The following SESN1 variants were observed in gnomAD, a reference collection of about 807,000 sequenced individuals.
SESN1 encodes sestrin 1, also known as sestrin-1.
SESN1 carries 30 observed loss-of-function variants against 59.3 expected under a neutral mutation model. The observed-to-expected ratio is 0.51, with a 90% CI of 0.38 to 0.69. The LOEUF (loss-of-function observed/expected upper bound fraction) is 0.69. Among genes scored for constraint, SESN1 ranks in the 30% least tolerant of loss-of-function variants. The pLI is 0.00. For synonymous variants in SESN1, 197 were observed against 219.9 expected (o/e 0.90, Z 0.92); for missense variants, 566 against 673.0 (o/e 0.84, Z 1.76).
chr6:109,009,521 C>T, intron 1 of SESN1: 3 of 1,188,352 alleles, frequency 2.5e-6, no homozygotes, highest in Non-Finnish European at 3.1e-6. Flanking sequence ...CCGGCCGCGG[C>T]TCCTGGCTGC....
chr6:109,008,875 G>A (rs1399288754), intron 1 of SESN1: 2 of 985,922 alleles, frequency 2.0e-6, no homozygotes, highest in South Asian at 4.7e-5. Context: ...TGAGTCAAAT[G>A]TGTTTTTTTT....
Position 108,986,493 on chromosome 6 carries a change from C to T in SESN1, c.*1051G>A, listed in dbSNP as rs1779196872. The stretch of plus-strand genomic sequence containing the variant: ...AAATACCAGTAATACTGACAGACTT[C>T]AAAAGCAATTCACGCTTCCAGAATA... On this transcript the variant is annotated 3_prime_UTR_variant, in exon 10 of 10. Transcript: ENST00000436639. 6.6e-6 allele frequency: 1 copy of T among 152,610 alleles called. No individual in the cohort carries two copies. Among genetic ancestry groups the T allele is most frequent in the Admixed American group, 6.5e-5 (1 of 15,270 alleles). The allele number at this position is 152,610 out of a possible 1,614,324, so 9.5% of individuals were successfully genotyped here.
At chr6:108,992,346 G>A (rs921470052) in intron 7 of SESN1, among the ~76,000 whole-genome samples, 2 of 151,914 alleles carry the variant, frequency 1.3e-5, no homozygotes, top group African/African-American at 4.8e-5. Context: ...GGAATGCCTC[G>A]GCTCAGGCAA....
At chr6:109,091,860 T>G (rs1222453209) in intron 1 of SESN1, among the ~76,000 whole-genome samples, 1 of 152,180 alleles carries the variant, frequency 6.6e-6, no homozygotes, top group Non-Finnish European at 1.5e-5. Context: ...AACTGAAAAC[T>G]TCATCTATTC....
At chr6:109,027,297 A>AC (rs1162256845) in intron 1 of SESN1, among the ~76,000 whole-genome samples, 12 of 151,746 alleles carry the variant, frequency 7.9e-5, no homozygotes, top group Non-Finnish European at 1.6e-4. Context: ...ACATGGTGAA[A>AC]CCCCGTCTCT....
At chr6:109,073,445 T>TC (rs1022036226) in intron 1 of SESN1, among the ~76,000 whole-genome samples, 2 of 152,148 alleles carry the variant, frequency 1.3e-5, no homozygotes, top group African/African-American at 2.4e-5. Context: ...TGGTCTCTTT[T>TC]CCCCAACCCC....
At chr6:109,039,275 T>G (rs1037491534) in intron 1 of SESN1, among the ~76,000 whole-genome samples, 3 of 152,188 alleles carry the variant, frequency 2.0e-5, no homozygotes, top group African/African-American at 7.2e-5. Context: ...CTTCACAAAT[T>G]TGTATGGAAT....
intron 9 of SESN1, 49 bp downstream of exon 9, chr6:108,988,494 A>G: frequency 6.5e-7 from 1 of 1,527,076 alleles, no homozygotes; most frequent in South Asian, 1.3e-5. Context: ...GAAGGAGACT[A>G]CGAATCATTG....
At chr6:109,001,228 G>T in intron 3 of SESN1, 60 bp downstream of exon 3, 1 of 1,381,988 alleles carries the variant, frequency 7.2e-7, no homozygotes, top group Non-Finnish European at 1.0e-6. Flanking sequence ...AGCATTAACT[G>T]TCTCTTAAAG....
chr6:109,092,386 A>C (rs1393671187), intron 1 of SESN1, among the ~76,000 whole-genome samples: 1 of 152,216 alleles, frequency 6.6e-6, no homozygotes, highest in Non-Finnish European at 1.5e-5. Context: ...TTATCATTAT[A>C]TTGAAATCCT....
chr6:109,052,756 C>T (rs1353160101), intron 1 of SESN1, among the ~76,000 whole-genome samples: 2 of 152,140 alleles, frequency 1.3e-5, no homozygotes, highest in Non-Finnish European at 2.9e-5. Flanking sequence ...CTACAGGAAA[C>T]ATTTCAACCA....
At chr6:109,042,810 T>C (rs1011916651) in intron 1 of SESN1, among the ~76,000 whole-genome samples, 21 of 152,176 alleles carry the variant, frequency 1.4e-4, no homozygotes, top group South Asian at 6.2e-4. Context: ...TTTTACATAA[T>C]ATTTTCCAGA....
At chr6:109,011,619 T>A (rs552484134) in intron 1 of SESN1, among the ~76,000 whole-genome samples, 6 of 151,224 alleles carry the variant, frequency 4.0e-5, no homozygotes, top group East Asian at 1.9e-4. Flanking sequence ...AATGTATTTT[T>A]AAAATTTTTT....
intron 1 of SESN1, among the ~76,000 whole-genome samples, chr6:109,021,186 G>A (rs1780005746): frequency 6.6e-6 from 1 of 151,998 alleles, no homozygotes; most frequent in African/African-American, 2.4e-5. Flanking sequence ...TACAGATGGG[G>A]TCTTGTTATG....
At chr6:109,066,929 A>G (rs916591444) in intron 1 of SESN1, among the ~76,000 whole-genome samples, 9 of 152,178 alleles carry the variant, frequency 5.9e-5, no homozygotes, top group African/African-American at 2.2e-4. Context: ...TCAGATCTGG[A>G]GGAAAAAGGC....
In SESN1 at chr6:108,989,594, TAGAG is replaced by T. The variant is rs759251549; in HGVS notation, c.1425-911_1425-908del. On this transcript the variant is annotated intron_variant, in intron 8 of 9. Coordinates refer to ENST00000436639, the MANE Select transcript of SESN1 (RefSeq NM_014454.3). ...AGAGATATCTATATATAGAGAGAGA[TAGAG>T]AGAGATAGATATCTCTCTATATAGA... Among the ~76,000 whole-genome samples the T allele has an allele frequency of 9.8e-4, 141 of 143,242 alleles. 1 individual carries two copies. Among genetic ancestry groups the T allele is most frequent in the Middle Eastern group, 3.8e-3 (1 of 262 alleles). The allele number at this position is 143,242 out of a possible 152,430, so 94.0% of individuals were successfully genotyped here.
At position 108,998,555 on chromosome 6, in the gene SESN1, G is replaced by T. The variant is rs1255881041; in HGVS notation, c.930C>A (p.His310Gln). The T allele has an allele frequency of 6.2e-7, 1 of 1,613,906 alleles. No individual in the cohort carries two copies. The highest frequency in any genetic ancestry group is 1.1e-5 in the South Asian group (1 of 91,082). Residue 310 changes from histidine to glutamine, a missense_variant, in exon 5 of 10, where the codon CAC becomes CAA. His to Gln is a conservative substitution (Grantham distance 24). Transcript: ENST00000436639. ...AGTTGACCGGCATCTCATCCACACT[G>T]TGATTGCCATTTGTAATGTCACAGA... ...YCICDITNGNHSVDEMPVNSA... is the reference protein window; with the variant it reads ...YCICDITNGNQSVDEMPVNSA...
chr6:109,088,789 C>T (rs1162590105), intron 1 of SESN1, among the ~76,000 whole-genome samples: 1 of 152,076 alleles, frequency 6.6e-6, no homozygotes, highest in African/African-American at 2.4e-5. Context: ...ATTAATACTC[C>T]CATTCCTTTG....
chr6:109,035,372 T>G (rs898461032), intron 1 of SESN1, among the ~76,000 whole-genome samples: 3 of 152,200 alleles, frequency 2.0e-5, no homozygotes, highest in Non-Finnish European at 4.4e-5. Context: ...ATTTGTACAC[T>G]ACACCTCTGT....
Sources: gnomAD v4.1 joint callset for allele counts (sites outside exome capture counted in the v4.1 genomes callset) on GRCh38, gnomAD v4.1.1 for gene constraint, MANE v1.5 for transcripts, NCBI Gene and HGNC (gene_info 2026-07-23, HGNC 2026-07-21) for gene names.